Variants in ERC2 observed in about 807,000 individuals in gnomAD.
ERC2 encodes the protein ERC protein 2.
Under a neutral mutation model 114.8 loss-of-function variants are expected in ERC2, and 42 were observed. The ratio of observed to expected loss-of-function variants is 0.37; its 90% CI spans 0.29 to 0.47. The LOEUF is 0.47. ERC2 is among the 20% of genes least tolerant of loss of function. The pLI is 0.99. For synonymous variants in ERC2, 454 were observed against 425.5 expected (o/e 1.07, Z -0.82); for missense variants, 939 against 1,150.7 (o/e 0.82, Z 2.66).
Position 55,522,684 on chromosome 3 carries a change from T to C in ERC2, c.*40-11408A>G, listed in dbSNP as rs149682064. On this transcript the variant is annotated intron_variant, in intron 17 of 17. Transcript: ENST00000288221. ...AATCCCATGCCAAAGCCTGCCCTTGTAGGTCTGCATGAAGCACAAGGGCCC... is the reference window on the plus strand; with the variant it reads ...AATCCCATGCCAAAGCCTGCCCTTGCAGGTCTGCATGAAGCACAAGGGCCC... Among the ~76,000 whole-genome samples the C allele has an allele frequency of 8.1e-4, 123 of 152,286 alleles. 2 individuals carry two copies. The East Asian group carries it at 0.021, about 26-fold the overall frequency.
intron 4 of ERC2, among the ~76,000 whole-genome samples, chr3:56,155,501 C>G (rs2081658642): frequency 6.6e-6 from 1 of 152,088 alleles, no homozygotes; most frequent in South Asian, 2.1e-4. Flanking sequence ...GAACCATCCA[C>G]TCTCCAGAAT....
At position 55,698,347 on chromosome 3, in the gene ERC2, C is replaced by T. The variant is rs191381802; in HGVS notation, c.2847+1031G>A. 1.5e-4 allele frequency among the ~76,000 whole-genome samples: 23 copies of T among 152,176 alleles called. No individual in the cohort carries two copies. In the Middle Eastern group the frequency reaches 0.01, roughly 68 times the overall value. On this transcript the variant is annotated intron_variant, in intron 16 of 17. Transcript: ENST00000288221. ...ATAAACAGCTCCCCCAGGACTTGTA[C>T]TCCAGGTAAAACATCTTGGAAACTT...
At chr3:56,219,050 T>G (rs935782337) in intron 3 of ERC2, among the ~76,000 whole-genome samples, 8 of 152,224 alleles carry the variant, frequency 5.3e-5, no homozygotes, top group Admixed American at 1.3e-4. Context: ...GACGAGTTAA[T>G]GGGTGCAGCA....
chr3:55,673,946 C>T (rs953531000), intron 17 of ERC2, among the ~76,000 whole-genome samples: 7 of 151,930 alleles, frequency 4.6e-5, no homozygotes, highest in African/African-American at 1.2e-4. Context: ...TTCCATCACA[C>T]GCTGACTCAG....
At chr3:56,002,143 G>A (rs1181419711) in intron 10 of ERC2, among the ~76,000 whole-genome samples, 1 of 152,144 alleles carries the variant, frequency 6.6e-6, no homozygotes, top group Non-Finnish European at 1.5e-5. Flanking sequence ...GAGGGTGGAG[G>A]CTGAATCTAA....
At chr3:55,730,847 T>C (rs1165055149) in intron 15 of ERC2, among the ~76,000 whole-genome samples, 1 of 152,152 alleles carries the variant, frequency 6.6e-6, no homozygotes, top group Non-Finnish European at 1.5e-5. Context: ...AGACCATGTC[T>C]TGAAAAAAGA....
At chr3:55,736,789 T>A (rs191349214) in intron 14 of ERC2, among the ~76,000 whole-genome samples, 1 of 152,344 alleles carries the variant, frequency 6.6e-6, no homozygotes, top group East Asian at 1.9e-4. Context: ...TCATCGCTTA[T>A]TCAAAAAGTT....
chr3:55,664,989 T>C (rs761990351), intron 17 of ERC2, among the ~76,000 whole-genome samples: 8 of 152,074 alleles, frequency 5.3e-5, no homozygotes, highest in Non-Finnish European at 1.0e-4. Flanking sequence ...ATGGGGATAA[T>C]AATAACACAC....
At chr3:56,209,059 G>T (rs13084765) in intron 3 of ERC2, among the ~76,000 whole-genome samples, 68,841 of 151,680 alleles carry the variant, frequency 0.45, 16,105 homozygotes, top group East Asian at 0.72. Context: ...CCCTTCAAAG[G>T]CTCCTCAGCA....
At chr3:55,962,207 A>G (rs951003893) in intron 12 of ERC2, among the ~76,000 whole-genome samples, 3 of 152,242 alleles carry the variant, frequency 2.0e-5, no homozygotes, top group African/African-American at 7.2e-5. Context: ...TAAAATCTAC[A>G]TAGTTCACAG....
intron 3 of ERC2, among the ~76,000 whole-genome samples, chr3:56,199,216 G>T (rs1032685647): frequency 1.5e-4 from 23 of 152,164 alleles, no homozygotes; most frequent in African/African-American, 5.5e-4. Context: ...CTGGGGAAGG[G>T]GAAGGATCTA....
intron 13 of ERC2, among the ~76,000 whole-genome samples, chr3:55,947,149 G>A (rs985850719): frequency 3.9e-5 from 6 of 151,958 alleles, no homozygotes; most frequent in African/African-American, 9.7e-5. Flanking sequence ...TTGGATAATC[G>A]GAGGTCCCAT....
chr3:56,443,719 A>G (rs1360725894), intron 1 of ERC2, among the ~76,000 whole-genome samples: 1 of 150,474 alleles, frequency 6.6e-6, no homozygotes, highest in African/African-American at 2.5e-5. Context: ...TTCTAATTCT[A>G]TAAAATAAAT....
chr3:56,452,673 T>C (rs1428173513), intron 1 of ERC2, among the ~76,000 whole-genome samples: 1 of 152,216 alleles, frequency 6.6e-6, no homozygotes, highest in African/African-American at 2.4e-5. Flanking sequence ...AAACCTTGGT[T>C]AAGTGATTAA....
chr3:55,985,339 G>A (rs1202463460), intron 12 of ERC2, among the ~76,000 whole-genome samples: 3 of 152,158 alleles, frequency 2.0e-5, no homozygotes, highest in South Asian at 4.1e-4. Flanking sequence ...CTTACACTTG[G>A]TTCCATATGC....
At chr3:56,025,032 C>T (rs1324618735) in intron 7 of ERC2, among the ~76,000 whole-genome samples, 1 of 152,168 alleles carries the variant, frequency 6.6e-6, no homozygotes, top group Non-Finnish European at 1.5e-5. Flanking sequence ...TGGAACTGCA[C>T]ACTGATCAAG....
chr3:55,704,080 T>C (rs2063360765), intron 15 of ERC2, among the ~76,000 whole-genome samples: 1 of 152,180 alleles, frequency 6.6e-6, no homozygotes, highest in Admixed American at 6.5e-5. Context: ...AAGTCAAACA[T>C]GGAAAACTGA....
chr3:56,295,611 C>T (rs1200230538), intron 3 of ERC2, among the ~76,000 whole-genome samples: 1 of 152,190 alleles, frequency 6.6e-6, no homozygotes, highest in Non-Finnish European at 1.5e-5. Context: ...ATCCCCAATT[C>T]AGTAATAAAA....
chr3:56,185,385 T>C (rs1239419396), intron 3 of ERC2, among the ~76,000 whole-genome samples: 1 of 152,226 alleles, frequency 6.6e-6, no homozygotes, highest in Non-Finnish European at 1.5e-5. Context: ...CCTATGCCTC[T>C]ACCACCATTA....
Sources: allele counts gnomAD v4.1 joint callset (sites outside exome capture counted in the v4.1 genomes callset), GRCh38; gene constraint gnomAD v4.1.1; transcripts MANE v1.5; gene names NCBI Gene and HGNC (gene_info 2026-07-23, HGNC 2026-07-21).